The following WNK2 variants were observed in gnomAD, a reference collection of about 807,000 sequenced individuals.
The protein encoded by WNK2 is serine/threonine-protein kinase WNK2.
In WNK2, 67 loss-of-function variants were observed where a neutral mutation model predicts 192.1. That is an observed-to-expected ratio of 0.35 (90% CI 0.29 to 0.43). WNK2 has a LOEUF of 0.43. Among genes scored for constraint, WNK2 ranks in the 20% least tolerant of loss-of-function variants. WNK2 has a pLI of 1.00. For synonymous variants in WNK2, 1,439 were observed against 1,393.9 expected (o/e 1.03, Z -0.72); for missense variants, 2,698 against 3,089.7 (o/e 0.87, Z 3.01).
chr9:93,252,533 A>G (rs1842732936), intron 8 of WNK2, among the ~76,000 whole-genome samples: 1 of 152,188 alleles, frequency 6.6e-6, no homozygotes, highest in Non-Finnish European at 1.5e-5. Context: ...CTTACCTCAG[A>G]CATTCCTTTG....
Position 93,320,422 on chromosome 9 carries a change from C to G in WNK2, c.*30C>G. ...GCCTAGACGCCAGGCCCACTTCACG[C>G]CGTCTAAGTGGAGAAGTGACGGACC... On this transcript the variant is annotated 3_prime_UTR_variant, in exon 30 of 30. Coordinates refer to ENST00000427277, the MANE Select transcript of WNK2 (RefSeq NM_006648.4). The G allele has an allele frequency of 7.3e-7, 1 of 1,367,622 alleles. No homozygotes were observed. The highest frequency in any genetic ancestry group is 9.8e-7 in the Non-Finnish European group (1 of 1,021,828). The allele number at this position is 1,367,622 out of a possible 1,614,324, so 84.7% of individuals were successfully genotyped here.
intron 28 of WNK2, among the ~76,000 whole-genome samples, chr9:93,310,028 G>GA (rs1447323566): frequency 1.6e-4 from 24 of 152,344 alleles, no homozygotes; most frequent in Admixed American, 9.1e-4. Flanking sequence ...CTTAGTGCTT[G>GA]CGGTTTGTGG....
At chr9:93,258,839 T>C in intron 11 of WNK2, 92 bp from the exon 12 acceptor site, 1 of 1,152,116 alleles carries the variant, frequency 8.7e-7, no homozygotes, top group Non-Finnish European at 1.3e-6. Flanking sequence ...TGTCCCCTCG[T>C]CCCCAATGAC....
intron 28 of WNK2, among the ~76,000 whole-genome samples, chr9:93,312,554 AT>A (rs1475638869): frequency 2.0e-5 from 3 of 151,756 alleles, no homozygotes; most frequent in African/African-American, 7.3e-5. Flanking sequence ...ATTTTATTTT[AT>A]TTTTAGTAGA....
At chr9:93,237,007 G>T (rs1214905276) in intron 5 of WNK2, among the ~76,000 whole-genome samples, 1 of 152,352 alleles carries the variant, frequency 6.6e-6, no homozygotes, top group East Asian at 1.9e-4. Flanking sequence ...TGCAGCTGAG[G>T]TGGAGGTGTG....
rs569401784 is a variant in WNK2, at chr9:93,259,962, T to C, written c.3066+348T>C. 9.6e-4 allele frequency among the ~76,000 whole-genome samples: 146 copies of C among 152,144 alleles called. No individual in the cohort carries two copies. Among genetic ancestry groups the C allele is most frequent in the Non-Finnish European group, 1.7e-3 (114 of 67,978 alleles). The stretch of plus-strand genomic sequence containing the variant: ...GGTGTGGCTTGCGTTGGGGCACAGG[T>C]TGTCTGTCTGAGGTCCACCCTTCAA... On this transcript the variant is annotated intron_variant, in intron 12 of 29. Coordinates refer to ENST00000427277, the MANE Select transcript of WNK2 (RefSeq NM_006648.4). The surrounding 1 kb of genome is among the most constrained non-coding windows in gnomAD (Gnocchi z 4.8).
chr9:93,275,579 C>T (rs960744184), intron 19 of WNK2, among the ~76,000 whole-genome samples: 25 of 152,118 alleles, frequency 1.6e-4, no homozygotes, highest in Admixed American at 7.2e-4. Flanking sequence ...CTATCTTATT[C>T]AGCATTGAAC....
intron 23 of WNK2, among the ~76,000 whole-genome samples, chr9:93,294,647 G>T (rs1045243664): frequency 6.6e-6 from 1 of 152,174 alleles, no homozygotes; most frequent in Non-Finnish European, 1.5e-5. Flanking sequence ...GAGAACACTG[G>T]GGAGAGGAGC....
intron 26 of WNK2, among the ~76,000 whole-genome samples, chr9:93,305,705 T>G (rs1024362580): frequency 6.6e-6 from 1 of 152,226 alleles, no homozygotes; most frequent in African/African-American, 2.4e-5. Flanking sequence ...TGAGCCCTTC[T>G]GGAGAAGGAA....
intron 2 of WNK2, among the ~76,000 whole-genome samples, chr9:93,198,710 C>A (rs1831752510): frequency 6.6e-6 from 1 of 152,204 alleles, no homozygotes; most frequent in African/African-American, 2.4e-5. Flanking sequence ...TACTCTTGGG[C>A]ATTTTTGCTA....
At position 93,268,989 on chromosome 9, in the gene WNK2, C is replaced by T. The variant is rs140279486; in HGVS notation, c.4033+243C>T. 4,483 of 1,521,278 alleles carry T rather than the reference C, an allele frequency of 2.9e-3. 7 individuals carry two copies. Among genetic ancestry groups the T allele is most frequent in the Non-Finnish European group, 3.5e-3 (3,898 of 1,124,594 alleles). The allele number at this position is 1,521,278 out of a possible 1,614,324, so 94.2% of individuals were successfully genotyped here. A position where few individuals can be genotyped will look rare whatever the true frequency, so the allele number is the denominator to read the frequency against. ...CTGTTACCCCACCAAGTAGGTGGCTCGCATGGCCATATAGGTGTGTGTTGA... is the reference window on the plus strand; with the variant it reads ...CTGTTACCCCACCAAGTAGGTGGCTTGCATGGCCATATAGGTGTGTGTTGA... On this transcript the variant is annotated intron_variant, in intron 19 of 29. Coordinates refer to ENST00000427277, the MANE Select transcript of WNK2 (RefSeq NM_006648.4).
intron 26 of WNK2, chr9:93,306,487 CTT>C (rs1275542823): frequency 8.3e-6 from 3 of 362,638 alleles, no homozygotes; most frequent in African/African-American, 6.4e-5. Context: ...TTTCTTTTTT[CTT>C]TCTCTTTTAC....
intron 2 of WNK2, among the ~76,000 whole-genome samples, chr9:93,222,087 G>T (rs1837007330): frequency 6.7e-6 from 1 of 148,516 alleles, no homozygotes; most frequent in South Asian, 2.1e-4. Flanking sequence ...GAGTACCGGT[G>T]TGTATGTGCG....
chr9:93,283,688 G>A (rs1362054368), intron 19 of WNK2, among the ~76,000 whole-genome samples: 1 of 152,150 alleles, frequency 6.6e-6, no homozygotes, highest in Admixed American at 6.6e-5. Context: ...AGTCTTTCAG[G>A]TAGAAAATAG....
intron 23 of WNK2, among the ~76,000 whole-genome samples, chr9:93,296,735 TTCC>T (rs1288142766): frequency 1.3e-5 from 1 of 78,552 alleles, no homozygotes; most frequent in Admixed American, 1.2e-4. Flanking sequence ...TCCCCTCACT[TTCC>T]TCCTCCTCCT....
At chr9:93,238,529 C>T (rs1840201598) in intron 6 of WNK2, among the ~76,000 whole-genome samples, 2 of 152,198 alleles carry the variant, frequency 1.3e-5, no homozygotes, top group Non-Finnish European at 2.9e-5. Flanking sequence ...CCCTCACGTC[C>T]TTGTTGGCCA....
chr9:93,230,535 C>A (rs1191994028), intron 3 of WNK2, among the ~76,000 whole-genome samples: 1 of 152,206 alleles, frequency 6.6e-6, no homozygotes, highest in Non-Finnish European at 1.5e-5. Context: ...CCCTCACCCC[C>A]TCACCTGAGC....
intron 26 of WNK2, among the ~76,000 whole-genome samples, chr9:93,302,495 G>A: frequency 6.6e-6 from 1 of 152,188 alleles, no homozygotes; most frequent in Non-Finnish European, 1.5e-5. Context: ...TCACTGCCCT[G>A]GTGTGGGGCA....
At chr9:93,216,654 C>A (rs913454387) in intron 2 of WNK2, among the ~76,000 whole-genome samples, 15 of 151,648 alleles carry the variant, frequency 9.9e-5, no homozygotes, top group African/African-American at 3.4e-4. Context: ...ATTAGCCAGG[C>A]GTGGTAGCGA....
Sources: gnomAD v4.1 joint callset for allele counts (sites outside exome capture counted in the v4.1 genomes callset) on GRCh38, gnomAD v4.1.1 for gene constraint, Gnocchi (gnomAD v3.1) non-coding constraint, MANE v1.5 for transcripts, NCBI Gene and HGNC (gene_info 2026-07-23, HGNC 2026-07-21) for gene names.